Variants in WDR17 observed in about 807,000 individuals in gnomAD.
The protein encoded by WDR17 is WD repeat-containing protein 17.
WDR17 carries 143 observed loss-of-function variants against 161.7 expected under a neutral mutation model. That is an observed-to-expected ratio of 0.88 (90% confidence interval 0.77 to 1.02). The LOEUF (loss-of-function observed/expected upper bound fraction) is 1.02. Among genes scored for constraint, WDR17 ranks in the 50% least tolerant of loss-of-function variants. The pLI is 0.00. For missense variants in WDR17, 1,469 were observed against 1,520.9 expected (o/e 0.97, Z 0.57); for synonymous variants, 517 against 515.6 (o/e 1.00, Z -0.04).
At chr4:176,157,877 G>A (rs1242283730) in intron 18 of WDR17, among the ~76,000 whole-genome samples, 3 of 152,134 alleles carry the variant, frequency 2.0e-5, no homozygotes, top group African/African-American at 7.2e-5. Flanking sequence ...TATGAACTGA[G>A]CTATAAAGAA....
chr4:176,168,272 T>A (rs1273442793), intron 22 of WDR17, among the ~76,000 whole-genome samples: 1 of 152,234 alleles, frequency 6.6e-6, no homozygotes, highest in Non-Finnish European at 1.5e-5. Context: ...CTGATCTGGC[T>A]GATACAATTT....
intron 18 of WDR17, 134 bp downstream of exon 18, chr4:176,156,277 C>G: frequency 3.8e-6 from 3 of 789,954 alleles, no homozygotes; most frequent in Non-Finnish European, 5.8e-6. Flanking sequence ...AATTTTGTAT[C>G]TACTGATACA....
intron 7 of WDR17, among the ~76,000 whole-genome samples, chr4:176,132,892 T>G (rs1743696802): frequency 1.3e-5 from 2 of 151,806 alleles, no homozygotes; most frequent in African/African-American, 4.8e-5. Context: ...TTTCCTACAC[T>G]TGTTTCACTA....
chr4:176,120,000 C>CT lies in WDR17; in HGVS notation c.443dup (p.Ser150ValfsTer2). The stretch of plus-strand genomic sequence containing the variant: ...TGATTGTACACAAAGATGCTCATAG[C>CT]TTCTTGTCTGATATCTGTATGTTCA... On this transcript the variant is annotated frameshift_variant, in exon 4 of 29. Coordinates refer to ENST00000508596, the MANE Select transcript of WDR17 (RefSeq NM_181265.4). LOFTEE classifies it high-confidence loss of function. 6.2e-7 allele frequency: 1 copy of CT among 1,614,026 alleles called. No homozygotes were observed. The highest frequency in any genetic ancestry group is 1.3e-5 in the African/African-American group (1 of 74,978).
Position 176,182,027 on chromosome 4 carries a change from C to G in WDR17, c.*2448C>G, listed in dbSNP as rs919279227. On this transcript the variant is annotated 3_prime_UTR_variant, in exon 29 of 29. Coordinates refer to ENST00000508596, the MANE Select transcript of WDR17 (RefSeq NM_181265.4). The surrounding 1 kb of genome is among the most constrained non-coding windows in gnomAD (Gnocchi z 4.2). ...ACTATGTCAATCTGTATATATTGTA[C>G]CTTAATATGAAAAACAAATTTTTTA... 5.3e-5 allele frequency: 8 copies of G among 151,886 alleles called. No individual in the cohort carries two copies. The South Asian group carries it at 1.7e-3, about 32-fold the overall frequency. 9.4% of individuals were successfully genotyped at this position (151,886 alleles called of 1,614,324 possible).
chr4:176,160,002 A>G lies in WDR17; in HGVS notation c.2534A>G (p.Asp845Gly). The change falls in exon 19 of 29, where the codon GAC becomes GGC. Residue 845 changes from aspartate to glycine, a missense_variant. Asp to Gly is a moderately conservative substitution (Grantham distance 94). Transcript: ENST00000508596. The part of the protein sequence containing the change: ...YWKKLMQRRA[D>G]QLIQEDKDDV... ...TGTCCTTATTTTATTAGGAGAGCTG[A>G]CCAATTAATCCAGGAAGATAAGGAT... The G allele has an allele frequency of 3.1e-6, 5 of 1,605,080 alleles. No individual in the cohort carries two copies. Among genetic ancestry groups the G allele is most frequent in the Non-Finnish European group, 4.3e-6 (5 of 1,174,166 alleles).
intron 1 of WDR17, among the ~76,000 whole-genome samples, chr4:176,070,526 C>A (rs900405224): frequency 3.3e-5 from 5 of 151,054 alleles, no homozygotes; most frequent in South Asian, 4.2e-4. Context: ...CTTCTTTTTT[C>A]TTTTCTTTTT....
intron 26 of WDR17, 22 bp downstream of exon 26, chr4:176,174,740 A>T: frequency 6.5e-7 from 1 of 1,534,164 alleles, no homozygotes; most frequent in Non-Finnish European, 9.0e-7. Context: ...TTTTTCCTCC[A>T]TCATGACATT....
At chr4:176,177,435 G>T (rs368720177) in intron 27 of WDR17, 36 bp from the exon 28 acceptor site, 2 of 1,488,186 alleles carry the variant, frequency 1.3e-6, no homozygotes, top group South Asian at 1.4e-5. Context: ...TCTGTGATTC[G>T]ACAAAATGAA....
intron 4 of WDR17, among the ~76,000 whole-genome samples, chr4:176,123,289 C>G (rs1262685510): frequency 6.6e-6 from 1 of 152,140 alleles, no homozygotes; most frequent in Non-Finnish European, 1.5e-5. Context: ...AGTTCTGACA[C>G]TAGATGTGTG....
intron 1 of WDR17, 144 bp from the exon 2 acceptor site, chr4:176,111,431 C>T: frequency 1.2e-6 from 1 of 828,374 alleles, no homozygotes. Flanking sequence ...CTGCTGTTCT[C>T]TGAAAATAAA....
intron 1 of WDR17, among the ~76,000 whole-genome samples, chr4:176,067,057 C>T (rs931532204): frequency 3.3e-5 from 5 of 152,184 alleles, no homozygotes; most frequent in Admixed American, 1.3e-4. Context: ...CTTATCATTA[C>T]CCTGCTTGCC....
intron 28 of WDR17, among the ~76,000 whole-genome samples, chr4:176,178,340 A>G (rs1193138115): frequency 3.3e-5 from 5 of 152,230 alleles, no homozygotes; most frequent in African/African-American, 1.2e-4. Context: ...AGGAAATTAA[A>G]TAACTTTTAG....
At chr4:176,106,495 A>T (rs531738444) in intron 1 of WDR17, among the ~76,000 whole-genome samples, 1 of 152,286 alleles carries the variant, frequency 6.6e-6, no homozygotes, top group East Asian at 1.9e-4. Context: ...AAGACACTTA[A>T]TGTTAAGACC....
chr4:176,170,393 G>A lies in WDR17; in HGVS notation c.3102+1610G>A, dbSNP rs560151100. Among the ~76,000 whole-genome samples the A allele has an allele frequency of 1.1e-4, 17 of 147,876 alleles. No homozygotes were observed. The East Asian group carries it at 3.0e-3, about 26-fold the overall frequency. On this transcript the variant is annotated intron_variant, in intron 23 of 28. Transcript: ENST00000508596. ...TGCAATGGCACGAGCTCAGATCAGTGCAACCTCTGCCTGCTGGGTTCAAGC... is the reference window on the plus strand; with the variant it reads ...TGCAATGGCACGAGCTCAGATCAGTACAACCTCTGCCTGCTGGGTTCAAGC...
intron 12 of WDR17, 120 bp from the exon 13 acceptor site, chr4:176,148,013 G>T: frequency 1.5e-6 from 1 of 680,606 alleles, no homozygotes; most frequent in Non-Finnish European, 2.3e-6. Flanking sequence ...CTTATATCTT[G>T]AGACATAAAA....
At chr4:176,101,577 A>G (rs1442145270) in intron 1 of WDR17, among the ~76,000 whole-genome samples, 1 of 152,188 alleles carries the variant, frequency 6.6e-6, no homozygotes, top group Non-Finnish European at 1.5e-5. Flanking sequence ...GCAGGAATGG[A>G]TTGAAGGAGA....
At chr4:176,085,725 T>C (rs1336928410) in intron 1 of WDR17, among the ~76,000 whole-genome samples, 1 of 152,072 alleles carries the variant, frequency 6.6e-6, no homozygotes, top group Non-Finnish European at 1.5e-5. Flanking sequence ...TGTGAGTTGA[T>C]ATAAGGGAAG....
At chr4:176,142,287 C>T (rs947110583) in intron 11 of WDR17, among the ~76,000 whole-genome samples, 26 of 152,094 alleles carry the variant, frequency 1.7e-4, no homozygotes, top group African/African-American at 6.3e-4. Context: ...TGATTTCCTA[C>T]TCTCAAAAAA....
Sources: gnomAD v4.1 joint callset for allele counts (sites outside exome capture counted in the v4.1 genomes callset) on GRCh38, gnomAD v4.1.1 for gene constraint, Gnocchi (gnomAD v3.1) non-coding constraint, MANE v1.5 for transcripts, NCBI Gene and HGNC (gene_info 2026-07-23, HGNC 2026-07-21) for gene names.